ATRNL1: variants seen among roughly 807,000 people sequenced by gnomAD.
ATRNL1 encodes the protein attractin like 1.
ATRNL1 carries 95 observed loss-of-function variants against 182.7 expected under a neutral mutation model. The observed-to-expected ratio is 0.52, with a 90% CI of 0.44 to 0.62. ATRNL1 has a LOEUF of 0.62. Among genes scored for constraint, ATRNL1 ranks in the 20% least tolerant of loss-of-function variants. ATRNL1 has a pLI of 0.00. For synonymous variants in ATRNL1, 576 were observed against 568.3 expected (o/e 1.01, Z -0.19); for missense variants, 1,471 against 1,679.5 (o/e 0.88, Z 2.17).
intron 20 of ATRNL1, among the ~76,000 whole-genome samples, chr10:115,411,664 C>A (rs1020375214): frequency 6.6e-6 from 1 of 151,866 alleles, no homozygotes; most frequent in Non-Finnish European, 1.5e-5. Context: ...TTATTTAGCT[C>A]AAATATCAGA....
chr10:115,513,333 G>A (rs754761888), intron 24 of ATRNL1, among the ~76,000 whole-genome samples: 25 of 152,122 alleles, frequency 1.6e-4, no homozygotes, highest in Non-Finnish European at 2.4e-4. Context: ...ATGTTAAAAA[G>A]CGATTTCTTG....
chr10:115,686,632 A>T (rs1946227258), intron 26 of ATRNL1, among the ~76,000 whole-genome samples: 1 of 152,000 alleles, frequency 6.6e-6, no homozygotes, highest in Non-Finnish European at 1.5e-5. Flanking sequence ...TTGTAAACTG[A>T]ATGGATTTCA....
chr10:115,177,404 C>A (rs1245372986), intron 8 of ATRNL1, among the ~76,000 whole-genome samples: 2 of 152,012 alleles, frequency 1.3e-5, no homozygotes, highest in Non-Finnish European at 2.9e-5. Flanking sequence ...ACTTAGGATC[C>A]TTTTTAGCTT....
chr10:115,416,945 A>T (rs1181743564), intron 20 of ATRNL1, among the ~76,000 whole-genome samples: 1 of 152,172 alleles, frequency 6.6e-6, no homozygotes. Flanking sequence ...TAACCTACTA[A>T]TATTTCTTCA....
chr10:115,771,547 T>C (rs2134167415), intron 27 of ATRNL1, among the ~76,000 whole-genome samples: 1 of 152,324 alleles, frequency 6.6e-6, no homozygotes, highest in Admixed American at 6.5e-5. Flanking sequence ...TTACTTCTTA[T>C]CTGCCTCTTA....
intron 19 of ATRNL1, among the ~76,000 whole-genome samples, chr10:115,338,169 T>A (rs950906435): frequency 6.6e-6 from 1 of 152,092 alleles, no homozygotes; most frequent in African/African-American, 2.4e-5. Flanking sequence ...GCTTCCAAAT[T>A]TTATCTATTG....
intron 18 of ATRNL1, among the ~76,000 whole-genome samples, chr10:115,322,843 A>G (rs779879583): frequency 3.3e-5 from 5 of 152,106 alleles, no homozygotes; most frequent in Non-Finnish European, 7.4e-5. Context: ...CTGATTTAAA[A>G]TCAGTTGTTA....
chr10:115,772,746 A>G (rs937159795), intron 27 of ATRNL1, among the ~76,000 whole-genome samples: 2 of 152,104 alleles, frequency 1.3e-5, no homozygotes, highest in Non-Finnish European at 2.9e-5. Context: ...TTCATTTGGC[A>G]AAAACTAAAC....
At chr10:115,663,548 TA>T in intron 26 of ATRNL1, among the ~76,000 whole-genome samples, 1 of 151,752 alleles carries the variant, frequency 6.6e-6, no homozygotes, top group Non-Finnish European at 1.5e-5. Context: ...CATATATGAG[TA>T]AAATAGTGAG....
intron 26 of ATRNL1, among the ~76,000 whole-genome samples, chr10:115,589,949 A>G (rs537799399): frequency 1.4e-3 from 219 of 152,296 alleles, no homozygotes; most frequent in African/African-American, 4.8e-3. Flanking sequence ...ACCGAATTCT[A>G]TCTGACACAG....
At chr10:115,218,012 TG>T (rs1247275206) in intron 9 of ATRNL1, among the ~76,000 whole-genome samples, 2 of 152,142 alleles carry the variant, frequency 1.3e-5, no homozygotes, top group African/African-American at 4.8e-5. Context: ...AGTTTTTCCA[TG>T]GACCCAGGGA....
In ATRNL1 at chr10:115,509,665, A is replaced by G. The variant is rs74604861; in HGVS notation, c.3655-9598A>G. Among the ~76,000 whole-genome samples the G allele has an allele frequency of 9.9e-3, 1,508 of 152,116 alleles. 19 individuals are homozygous for G. Among genetic ancestry groups the G allele is most frequent in the African/African-American group, 0.033 (1,389 of 41,526 alleles). On this transcript the variant is annotated intron_variant, in intron 24 of 28. Coordinates refer to ENST00000355044, the MANE Select transcript of ATRNL1 (RefSeq NM_207303.4). ...GTACAACCTGTGGGTCTATGAGCCA[A>G]TTAAGCCCCTTTTCTTTATAAATTA...
intron 19 of ATRNL1, among the ~76,000 whole-genome samples, chr10:115,350,348 A>C (rs74593534): frequency 7.2e-4 from 103 of 143,776 alleles, no homozygotes; most frequent in East Asian, 1.2e-3. Flanking sequence ...AAAAAAAAGA[A>C]AAAAAAAAAA....
At chr10:115,288,518 CT>C (rs1370350590) in intron 15 of ATRNL1, among the ~76,000 whole-genome samples, 2,060 of 140,170 alleles carry the variant, frequency 0.015, 27 homozygotes, top group African/African-American at 0.041. Context: ...TGTATGTCTT[CT>C]TTTTTTTTTT....
At chr10:115,460,520 T>C (rs935281997) in intron 21 of ATRNL1, among the ~76,000 whole-genome samples, 1 of 152,148 alleles carries the variant, frequency 6.6e-6, no homozygotes, top group Non-Finnish European at 1.5e-5. Context: ...TTTGACCACT[T>C]CCTGTGGCCT....
intron 27 of ATRNL1, among the ~76,000 whole-genome samples, chr10:115,734,570 G>A (rs1159151286): frequency 1.3e-5 from 2 of 151,994 alleles, no homozygotes; most frequent in Admixed American, 1.3e-4. Flanking sequence ...ACTTAGAAAT[G>A]ATAGCTCATT....
At chr10:115,164,565 T>C (rs1327032711) in intron 6 of ATRNL1, among the ~76,000 whole-genome samples, 2 of 152,150 alleles carry the variant, frequency 1.3e-5, no homozygotes. Context: ...ATAGCCATAA[T>C]ATGGACTCAA....
At chr10:115,198,680 A>C (rs1027194234) in intron 8 of ATRNL1, among the ~76,000 whole-genome samples, 2 of 151,966 alleles carry the variant, frequency 1.3e-5, no homozygotes, top group African/African-American at 4.8e-5. Flanking sequence ...GTTGATTTTT[A>C]TATATGATGT....
chr10:115,266,965 T>A lies in ATRNL1; in HGVS notation c.1941T>A (p.Asn647Lys). 1.2e-6 allele frequency: 2 copies of A among 1,612,086 alleles called. No individual in the cohort carries two copies. Among genetic ancestry groups the A allele is most frequent in the Non-Finnish European group, 1.7e-6 (2 of 1,178,810 alleles). Reference sequence around the variant, plus strand: ...ACTGTGAATCTTGGGAATCTGGGAATACTAATAATATTCTTAGAGCAAAGT... The same window carrying A: ...ACTGTGAATCTTGGGAATCTGGGAAAACTAATAATATTCTTAGAGCAAAGT... ...KNHCESWESG[N>K]TNNILRAKCP... Residue 647 changes from asparagine (N) to lysine (K), a missense_variant, in exon 12 of 29, where the codon AAT becomes AAA. By Grantham distance (94) the Asn-to-Lys change is moderately conservative. This residue lies in a region of ATRNL1 where 1,031 missense variants were observed against 1,156.0 expected (regional missense o/e 0.89). Transcript: ENST00000355044.
Sources: allele counts gnomAD v4.1 joint callset (sites outside exome capture counted in the v4.1 genomes callset), GRCh38; gene constraint gnomAD v4.1.1; regional missense constraint gnomAD v4.1.1; transcripts MANE v1.5; gene names NCBI Gene and HGNC (gene_info 2026-07-23, HGNC 2026-07-21).